TENM1: variants seen among roughly 807,000 people sequenced by gnomAD.
TENM1 encodes teneurin-1.
A neutral mutation model predicts 174.8 loss-of-function variants in TENM1; 35 were observed. The observed-to-expected ratio is 0.20, with a 90% CI of 0.15 to 0.27. The LOEUF (loss-of-function observed/expected upper bound fraction) is 0.27. Among genes scored for constraint, TENM1 ranks in the 10% least tolerant of loss-of-function variants. The pLI, the probability that TENM1 is intolerant of heterozygous loss-of-function variation, is 1.00. For missense variants in TENM1, 1,633 were observed against 2,130.1 expected (o/e 0.77, Z 4.59); for synonymous variants, 781 against 798.7 (o/e 0.98, Z 0.37).
rs199642341 is a variant in TENM1 at position 124,804,475 on chromosome X, G to GTT, written c.536-67280_536-67279dup. 8.9e-3 allele frequency among the ~76,000 whole-genome samples: 997 copies of GTT among 111,611 alleles called. 12 individuals carry two copies. The highest frequency in any genetic ancestry group is 0.031 in the African/African-American group (949 of 30,746). On this transcript the variant is annotated intron_variant, in intron 3 of 31. Transcript: ENST00000422452. ...TCATTCAAAATCTATAATTAAATAT[G>GTT]TTAATTTCCTGGTTCTACTATCCTA...
chrX:125,096,913 T>A, the TENM1 span, among the ~76,000 whole-genome samples: 1 of 109,823 alleles, frequency 9.1e-6, no homozygotes, highest in Non-Finnish European at 1.9e-5. Flanking sequence ...CTCCAATGAG[T>A]GCATGCTTCA....
the TENM1 span, among the ~76,000 whole-genome samples, chrX:125,109,747 A>G: frequency 8.9e-6 from 1 of 111,876 alleles, no homozygotes; most frequent in Non-Finnish European, 1.9e-5. Flanking sequence ...CTCTATCCTT[A>G]AACAACAAGC....
intron 3 of TENM1, among the ~76,000 whole-genome samples, chrX:124,769,334 A>G (rs1425292621): frequency 9.0e-6 from 1 of 111,683 alleles, no homozygotes; most frequent in African/African-American, 3.2e-5. Context: ...TTTGGCTGAC[A>G]TTTTAGGTCT....
At chrX:124,757,713 T>G (rs1311791597) in intron 3 of TENM1, among the ~76,000 whole-genome samples, 1 of 112,490 alleles carries the variant, frequency 8.9e-6, no homozygotes, top group Non-Finnish European at 1.9e-5. Context: ...TATGCCAAAA[T>G]CTAGTCTTAA....
intron 1 of TENM1, among the ~76,000 whole-genome samples, chrX:124,921,210 CATT>C (rs1243354028): frequency 9.1e-6 from 1 of 109,568 alleles, no homozygotes; most frequent in Non-Finnish European, 1.9e-5. Context: ...CCCAAATTCT[CATT>C]ATTACAATTA....
intron 11 of TENM1, among the ~76,000 whole-genome samples, chrX:124,630,589 T>C (rs992942312): frequency 1.8e-5 from 2 of 111,924 alleles, no homozygotes; most frequent in African/African-American, 6.5e-5. Context: ...AGACCCATAG[T>C]GGTTCACGTG....
chrX:125,139,861 G>C, the TENM1 span, among the ~76,000 whole-genome samples: 270 of 60,780 alleles, frequency 4.4e-3, 5 homozygotes, highest in African/African-American at 0.017. Flanking sequence ...CACACACGGA[G>C]AGAGAGAGAG....
At chrX:124,631,106 T>C (rs2050745548) in intron 11 of TENM1, among the ~76,000 whole-genome samples, 1 of 111,612 alleles carries the variant, frequency 9.0e-6, no homozygotes, top group Non-Finnish European at 1.9e-5. Flanking sequence ...ATCCAAGAGT[T>C]CAAAGAAGTA....
At chrX:125,061,246 T>C in the TENM1 span, among the ~76,000 whole-genome samples, 3 of 111,511 alleles carry the variant, frequency 2.7e-5, no homozygotes, top group Non-Finnish European at 5.6e-5. Flanking sequence ...ATTTATTTAT[T>C]TCCCAGATAT....
chrX:125,196,326 G>A, the TENM1 span, among the ~76,000 whole-genome samples: 1 of 111,321 alleles, frequency 9.0e-6, no homozygotes, highest in African/African-American at 3.3e-5. Context: ...AAGCAAATAA[G>A]TGATGTATTC....
intron 3 of TENM1, among the ~76,000 whole-genome samples, chrX:124,876,005 T>C (rs1603256765): frequency 1.8e-5 from 2 of 109,776 alleles, no homozygotes; most frequent in East Asian, 5.7e-4. Flanking sequence ...CTATCAAAAA[T>C]TGATGCATGA....
chrX:124,624,203 T>G (rs950877882), intron 11 of TENM1, among the ~76,000 whole-genome samples: 1 of 111,632 alleles, frequency 9.0e-6, no homozygotes, highest in Non-Finnish European at 1.9e-5. Context: ...ATTTTGAGTT[T>G]GTCTCACTCT....
chrX:124,689,788 C>T (rs542240455), intron 5 of TENM1, among the ~76,000 whole-genome samples: 109 of 110,192 alleles, frequency 9.9e-4, no homozygotes, highest in African/African-American at 3.0e-3. Context: ...TTTTTTCCTA[C>T]GTGTACATGC....
At chrX:125,121,041 A>G in the TENM1 span, among the ~76,000 whole-genome samples, 1 of 111,934 alleles carries the variant, frequency 8.9e-6, no homozygotes, top group Admixed American at 9.5e-5. Context: ...ATTTCTTAAT[A>G]GATATTCTTT....
In TENM1 at chrX:124,658,294, C is replaced by T. The variant is rs931569975; in HGVS notation, c.1169-4511G>A. On this transcript the variant is annotated intron_variant, in intron 6 of 31. Transcript: ENST00000422452. Reference sequence around the variant, plus strand: ...TTATGGATTACACATGCTTTTGTATCCATTATATTACCCAAAAGTAGTCAA... The same window carrying T: ...TTATGGATTACACATGCTTTTGTATTCATTATATTACCCAAAAGTAGTCAA... Among the ~76,000 whole-genome samples the T allele has an allele frequency of 1.8e-5, 2 of 111,467 alleles. 1 individual carries two copies. The highest frequency in any genetic ancestry group is 6.5e-5 in the African/African-American group (2 of 30,679).
chrX:124,927,899 A>T (rs2058114030), intron 1 of TENM1, among the ~76,000 whole-genome samples: 1 of 112,182 alleles, frequency 8.9e-6, no homozygotes, highest in South Asian at 3.7e-4. Context: ...AATACCAATT[A>T]TATTTACAAG....
the TENM1 span, among the ~76,000 whole-genome samples, chrX:125,200,902 T>C: frequency 4.2e-3 from 474 of 111,549 alleles, 3 homozygotes; most frequent in African/African-American, 0.015. Flanking sequence ...TGAAACTGAA[T>C]GACTTAGGAA....
chrX:124,667,297 A>G (rs2051792288), intron 6 of TENM1, among the ~76,000 whole-genome samples: 1 of 111,651 alleles, frequency 9.0e-6, no homozygotes, highest in African/African-American at 3.3e-5. Context: ...TTTACTGGTT[A>G]AATAGTTATA....
intron 1 of TENM1, among the ~76,000 whole-genome samples, chrX:124,936,525 G>C (rs942403533): frequency 1.8e-5 from 2 of 112,062 alleles, no homozygotes; most frequent in Non-Finnish European, 3.8e-5. Context: ...GCTCAATGAA[G>C]ACGGGGTATA....
Sources: allele counts gnomAD v4.1 joint callset (sites outside exome capture counted in the v4.1 genomes callset), GRCh38; gene constraint gnomAD v4.1.1; transcripts MANE v1.5; gene names NCBI Gene and HGNC (gene_info 2026-07-23, HGNC 2026-07-21).